CAMTA1: variants seen among roughly 807,000 people sequenced by gnomAD.
The protein encoded by CAMTA1 is calmodulin-binding transcription activator 1.
CAMTA1 carries 27 observed loss-of-function variants against 170.9 expected under a neutral mutation model. The observed-to-expected ratio is 0.16, with a 90% confidence interval of 0.12 to 0.22. The LOEUF (loss-of-function observed/expected upper bound fraction) is 0.22. Among genes scored for constraint, CAMTA1 ranks in the 10% least tolerant of loss-of-function variants. The pLI, the probability that CAMTA1 is intolerant of heterozygous loss-of-function variation, is 1.00. For missense variants in CAMTA1, 1,619 were observed against 2,217.2 expected (o/e 0.73, Z 5.42); for synonymous variants, 833 against 891.5 (o/e 0.93, Z 1.17).
intron 4 of CAMTA1, among the ~76,000 whole-genome samples, chr1:7,243,437 T>G (rs1665240902): frequency 6.6e-6 from 1 of 152,250 alleles, no homozygotes; most frequent in South Asian, 2.1e-4. Context: ...GTTTCAGTTT[T>G]CTACATATGG....
rs2092609403 is a variant in CAMTA1 at position 7,443,746 on chromosome 1, A to G, written c.439-24084A>G. Reference sequence around the variant, plus strand: ...TGTGGAGGTTTGGTAAGAAGGGAGAAGTGGGGCTCCAGAGAGGGTCCCTCA... The same window carrying G: ...TGTGGAGGTTTGGTAAGAAGGGAGAGGTGGGGCTCCAGAGAGGGTCCCTCA... On this transcript the variant is annotated intron_variant, in intron 5 of 22. Transcript: ENST00000303635. This position sits in a 1 kb window ranked among gnomAD's most constrained non-coding sequence, Gnocchi z 4.1. Among the ~76,000 whole-genome samples, 1 of 152,066 alleles carries G rather than the reference A, an allele frequency of 6.6e-6. No homozygotes were observed. The highest frequency in any genetic ancestry group is 1.5e-5 in the Non-Finnish European group (1 of 68,006).
At chr1:6,942,489 T>C (rs1686816583) in intron 3 of CAMTA1, among the ~76,000 whole-genome samples, 2 of 151,814 alleles carry the variant, frequency 1.3e-5, no homozygotes, top group Admixed American at 6.6e-5. Context: ...GAGACCCCTA[T>C]TTCTACACAA....
At chr1:7,659,966 A>C (rs1376903989) in intron 7 of CAMTA1, among the ~76,000 whole-genome samples, 1 of 152,224 alleles carries the variant, frequency 6.6e-6, no homozygotes, top group African/African-American at 2.4e-5. Context: ...AGCAAGATCA[A>C]AACCTAGACT....
chr1:7,291,271 G>A (rs1346914305), intron 5 of CAMTA1, among the ~76,000 whole-genome samples: 2 of 152,198 alleles, frequency 1.3e-5, no homozygotes, highest in Non-Finnish European at 2.9e-5. Flanking sequence ...CATCGTGCTG[G>A]AGTGGGGAAT....
intron 3 of CAMTA1, among the ~76,000 whole-genome samples, chr1:6,928,038 G>A (rs1683664005): frequency 6.6e-6 from 1 of 152,048 alleles, no homozygotes; most frequent in African/African-American, 2.4e-5. Context: ...CACTCTCTCC[G>A]CTCCCCTGCA....
At chr1:7,276,309 T>A (rs1207316224) in intron 5 of CAMTA1, among the ~76,000 whole-genome samples, 178 of 63,680 alleles carry the variant, frequency 2.8e-3, no homozygotes, top group Middle Eastern at 6.7e-3. Context: ...ATATATTTTT[T>A]TTTTTTTTTT....
intron 5 of CAMTA1, among the ~76,000 whole-genome samples, chr1:7,355,316 T>A (rs1574886848): frequency 6.6e-6 from 1 of 150,682 alleles, no homozygotes; most frequent in Non-Finnish European, 1.5e-5. Flanking sequence ...CCGGAGGGGG[T>A]CAAGGCTGCA....
chr1:7,679,007 C>A (rs1229670361), intron 11 of CAMTA1, among the ~76,000 whole-genome samples: 1 of 152,204 alleles, frequency 6.6e-6, no homozygotes, highest in Non-Finnish European at 1.5e-5. Context: ...GCTGGTGAAC[C>A]CTCAGGAGAC....
chr1:6,810,190 CGAGGTGCTGGCCAGGA>C, intron 1 of CAMTA1, among the ~76,000 whole-genome samples: 1 of 152,108 alleles, frequency 6.6e-6, no homozygotes, highest in Admixed American at 6.5e-5. Context: ...GAACTGTGGT[CGAGGTGCTGGCCAGGA>C]CTGGGCTCAC....
At chr1:6,832,351 A>C (rs573552341) in intron 3 of CAMTA1, among the ~76,000 whole-genome samples, 107 of 152,326 alleles carry the variant, frequency 7.0e-4, no homozygotes, top group African/African-American at 2.4e-3. Context: ...TGCTGGGATT[A>C]CAGGTGTGAG....
rs967753948 is a variant in CAMTA1, at chr1:7,680,546, G to A, written c.2914+2813G>A. 6.6e-6 allele frequency among the ~76,000 whole-genome samples: 1 copy of A among 151,654 alleles called. No homozygotes were observed. The highest frequency in any genetic ancestry group is 1.5e-5 in the Non-Finnish European group (1 of 67,878). On this transcript the variant is annotated intron_variant, in intron 11 of 22. Transcript: ENST00000303635. This position sits in a 1 kb window ranked among gnomAD's most constrained non-coding sequence, Gnocchi z 4.4. ...GGCGCCGCGCCCCGCGGGGTCTGGG[G>A]CCCCAGCAGGGACTGCGAGGACCGC...
At chr1:7,429,179 A>G (rs550474167) in intron 5 of CAMTA1, among the ~76,000 whole-genome samples, 1 of 152,196 alleles carries the variant, frequency 6.6e-6, no homozygotes, top group South Asian at 2.1e-4. Flanking sequence ...GTGAGTTCCT[A>G]ACCTCTCTGA....
chr1:7,489,171 G>A (rs2093665029), intron 6 of CAMTA1, among the ~76,000 whole-genome samples: 4 of 152,202 alleles, frequency 2.6e-5, no homozygotes, highest in South Asian at 4.1e-4. Context: ...GGTGGGCCCT[G>A]GCCTGGGAAG....
chr1:7,597,859 A>G (rs1004277349), intron 6 of CAMTA1, among the ~76,000 whole-genome samples: 37 of 151,866 alleles, frequency 2.4e-4, no homozygotes, highest in Non-Finnish European at 1.8e-4. Context: ...GTTGGGATAC[A>G]TGTGCAGAAT....
chr1:7,078,954 C>T (rs567691492), intron 3 of CAMTA1, among the ~76,000 whole-genome samples: 7 of 152,172 alleles, frequency 4.6e-5, no homozygotes, highest in African/African-American at 1.7e-4. Context: ...AGAAAGTGCT[C>T]TAGAAACTTT....
chr1:7,448,589 C>T (rs187566508), intron 5 of CAMTA1, among the ~76,000 whole-genome samples: 324 of 152,306 alleles, frequency 2.1e-3, no homozygotes, highest in Non-Finnish European at 3.8e-3. Flanking sequence ...AGATTTATTT[C>T]CCAGAGTTCA....
intron 3 of CAMTA1, among the ~76,000 whole-genome samples, chr1:6,831,466 G>A (rs144634608): frequency 1.8e-3 from 279 of 152,276 alleles, no homozygotes; most frequent in African/African-American, 5.4e-3. Flanking sequence ...CTCCATATAT[G>A]TTGTCCAGAC....
Position 6,846,179 on chromosome 1 carries a change from A to G in CAMTA1, c.234+20969A>G, listed in dbSNP as rs116483497. ...TGGGGACACAGCCAAACCATATAAGATACATTTTCTCACTTTTCACCATGT... is the reference window on the plus strand; with the variant it reads ...TGGGGACACAGCCAAACCATATAAGGTACATTTTCTCACTTTTCACCATGT... On this transcript the variant is annotated intron_variant, in intron 3 of 22. Coordinates refer to ENST00000303635, the MANE Select transcript of CAMTA1 (RefSeq NM_015215.4). 3.8e-3 allele frequency among the ~76,000 whole-genome samples: 584 copies of G among 152,322 alleles called. 5 individuals carry two copies. Among genetic ancestry groups the G allele is most frequent in the African/African-American group, 0.013 (542 of 41,580 alleles).
intron 3 of CAMTA1, among the ~76,000 whole-genome samples, chr1:6,870,406 G>A (rs1007040623): frequency 1.3e-5 from 2 of 152,024 alleles, no homozygotes; most frequent in Non-Finnish European, 2.9e-5. Context: ...CACTCGGACC[G>A]AGTGCATGAG....
Sources: gnomAD v4.1 joint callset for allele counts (sites outside exome capture counted in the v4.1 genomes callset) on GRCh38, gnomAD v4.1.1 for gene constraint, Gnocchi (gnomAD v3.1) non-coding constraint, MANE v1.5 for transcripts, NCBI Gene and HGNC (gene_info 2026-07-23, HGNC 2026-07-21) for gene names.